Variants in PSTPIP1 observed in about 807,000 individuals in gnomAD.
PSTPIP1 encodes proline-serine-threonine phosphatase-interacting protein 1.
In PSTPIP1, 66 loss-of-function variants were observed where a neutral mutation model predicts 69.6. That is an observed-to-expected ratio of 0.95 (90% CI 0.78 to 1.16). The LOEUF (loss-of-function observed/expected upper bound fraction) is 1.16, where lower values mean the gene tolerates loss of function less well. Ranked by LOEUF, PSTPIP1 falls within the 50% of genes most tolerant of loss-of-function variation. The pLI is 0.00. For missense variants in PSTPIP1, 603 were observed against 557.4 expected (o/e 1.08, Z -0.82); for synonymous variants, 266 against 222.7 (o/e 1.19, Z -1.73).
intron 3 of PSTPIP1, among the ~76,000 whole-genome samples, chr15:77,019,592 A>C (rs2152679816): frequency 6.6e-6 from 1 of 152,302 alleles, no homozygotes; most frequent in South Asian, 2.1e-4. Flanking sequence ...GGCTCTGAGG[A>C]GCCCTTGGAG....
At chr15:77,030,401 G>A (rs772189813) in intron 8 of PSTPIP1, 101 bp from the exon 9 acceptor site, 27 of 1,240,334 alleles carry the variant, frequency 2.2e-5, no homozygotes, top group South Asian at 1.7e-4. Flanking sequence ...TGGGGGAGGC[G>A]GGGCTCCCAG....
At chr15:77,015,287 G>T (rs80227391) in intron 1 of PSTPIP1, among the ~76,000 whole-genome samples, 1 of 152,156 alleles carries the variant, frequency 6.6e-6, no homozygotes, top group Admixed American at 6.5e-5. Context: ...TTGGGGACAG[G>T]TTGACCTGCA....
At chr15:76,996,142 T>C (rs1429129840) in intron 1 of PSTPIP1, among the ~76,000 whole-genome samples, 4 of 152,192 alleles carry the variant, frequency 2.6e-5, no homozygotes, top group Non-Finnish European at 5.9e-5. Context: ...AAATGGTAAT[T>C]CTGTTCCCCT....
chr15:76,995,748 T>C, intron 1 of PSTPIP1, 139 bp downstream of exon 1: 1 of 1,487,466 alleles, frequency 6.7e-7, no homozygotes, highest in Admixed American at 1.9e-5. Flanking sequence ...TTAATTGTCA[T>C]GGAGGTGGCC....
At chr15:77,008,104 A>G (rs1245362827) in intron 1 of PSTPIP1, 1 of 455,006 alleles carries the variant, frequency 2.2e-6, no homozygotes, top group East Asian at 6.9e-5. Flanking sequence ...AGATCAGCAC[A>G]GAAGTCTGGA....
rs1450154953 is a variant in PSTPIP1 at position 77,035,556 on chromosome 15, T to C, written c.978T>C (p.Ala326=). ...GTCCCAAGACCACTTCGTTGGCAGC[T>C]TCTGCTGGTAAAGGGGGTCAGGAGG... is the stretch of plus-strand genomic sequence containing the variant. ...HGSPKTTSLA[A]SAASTETLTP... Residue 326 remains alanine, a synonymous_variant, in exon 13 of 15, where the codon GCT becomes GCC. Transcript: ENST00000558012. The C allele has an allele frequency of 6.3e-7, 1 of 1,583,430 alleles. No homozygotes were observed. Among genetic ancestry groups the C allele is most frequent in the South Asian group, 1.1e-5 (1 of 87,002 alleles).
chr15:76,996,708 T>TG (rs2075588754), intron 1 of PSTPIP1, among the ~76,000 whole-genome samples: 1 of 152,192 alleles, frequency 6.6e-6, no homozygotes, highest in Non-Finnish European at 1.5e-5. Flanking sequence ...GGACCCCACG[T>TG]GGGGAGGGCA....
chr15:77,033,365 A>G (rs1006643287), intron 12 of PSTPIP1, among the ~76,000 whole-genome samples: 7 of 152,130 alleles, frequency 4.6e-5, no homozygotes, highest in Non-Finnish European at 7.4e-5. Flanking sequence ...GCTGCAGTCA[A>G]GTGCCAAGGT....
Position 76,995,149 on chromosome 15 carries a change from G to GCTAC in PSTPIP1, c.-423_-422insACCT, listed in dbSNP as rs2075544982. 9.4e-6 allele frequency: 11 copies of GCTAC among 1,170,604 alleles called. 1 individual carries two copies. The highest frequency in any genetic ancestry group is 1.2e-5 in the Non-Finnish European group (11 of 933,580). 72.5% of individuals were successfully genotyped at this position (1,170,604 alleles called of 1,614,324 possible). A position where few individuals can be genotyped will look rare whatever the true frequency, so the allele number is the denominator to read the frequency against. The stretch of plus-strand genomic sequence containing the variant: ...ACAAACCTTCCTGCGCAGGCCTCGG[G>GCTAC]CTGCCTGCCTGCCTGCCTGCCTGGC... On this transcript the variant is annotated 5_prime_UTR_variant, in exon 1 of 15. Transcript: ENST00000558012.
At chr15:77,030,291 A>C (rs1271056100) in intron 8 of PSTPIP1, among the ~76,000 whole-genome samples, 1 of 152,246 alleles carries the variant, frequency 6.6e-6, no homozygotes, top group African/African-American at 2.4e-5. Flanking sequence ...TCCAGCCCTC[A>C]GGCAGCTCAG....
intron 4 of PSTPIP1, 29 bp from the exon 5 acceptor site, chr15:77,025,469 G>A (rs2152683866): frequency 1.3e-6 from 2 of 1,576,290 alleles, no homozygotes; most frequent in Middle Eastern, 1.7e-4. Context: ...ATCTGACACT[G>A]GGGACCAGTA....
rs1372787271 is a variant in PSTPIP1 at position 77,027,830 on chromosome 15, C to T, written c.355-22C>T. ...CCTCCCGAGGCCGCGGCCCTCGGCT[C>T]AGAACCTCGTGTCCCCTGCAGTATG... On this transcript the variant is annotated intron_variant, in intron 5 of 14. Transcript: ENST00000558012. This position sits in a 1 kb window ranked among gnomAD's most constrained non-coding sequence, Gnocchi z 4.3. The T allele has an allele frequency of 1.9e-5, 30 of 1,557,310 alleles. No homozygotes were observed. Among genetic ancestry groups the T allele is most frequent in the Non-Finnish European group, 2.5e-5 (29 of 1,151,066 alleles).
intron 3 of PSTPIP1, among the ~76,000 whole-genome samples, chr15:77,021,723 T>C (rs2076165515): frequency 6.6e-6 from 1 of 152,156 alleles, no homozygotes; most frequent in African/African-American, 2.4e-5. Context: ...TTACCAACAT[T>C]GCTGACATCA....
intron 3 of PSTPIP1, among the ~76,000 whole-genome samples, chr15:77,022,596 T>TG (rs776911839): frequency 1.9e-4 from 29 of 152,230 alleles, no homozygotes; most frequent in Non-Finnish European, 4.4e-5. Context: ...AATGACTTTA[T>TG]GTGGCCCCCA....
intron 1 of PSTPIP1, among the ~76,000 whole-genome samples, chr15:77,012,988 C>G (rs1351903424): frequency 6.6e-6 from 1 of 152,202 alleles, no homozygotes; most frequent in Non-Finnish European, 1.5e-5. Context: ...GAAAGACCCC[C>G]CTCTGCCTCC....
intron 1 of PSTPIP1, among the ~76,000 whole-genome samples, chr15:77,009,237 A>T (rs1369903879): frequency 6.6e-6 from 1 of 152,164 alleles, no homozygotes; most frequent in Non-Finnish European, 1.5e-5. Flanking sequence ...GAACCTGCTG[A>T]GGATGGCAGA....
At chr15:77,028,531 G>C (rs200475800) in intron 6 of PSTPIP1, 23 bp from the exon 7 acceptor site, 2 of 1,571,564 alleles carry the variant, frequency 1.3e-6, no homozygotes, top group African/African-American at 2.7e-5. Context: ...CAGCCCCCAA[G>C]TCACGCCCCT....
At chr15:77,002,542 G>A (rs1389233740) in intron 1 of PSTPIP1, among the ~76,000 whole-genome samples, 1 of 152,208 alleles carries the variant, frequency 6.6e-6, no homozygotes, top group Non-Finnish European at 1.5e-5. Context: ...TTTTCCACAT[G>A]CTCGGTGCAT....
intron 3 of PSTPIP1, among the ~76,000 whole-genome samples, chr15:77,022,798 A>G (rs1321539270): frequency 2.6e-5 from 4 of 152,226 alleles, no homozygotes; most frequent in African/African-American, 9.6e-5. Flanking sequence ...CAACGGGGAC[A>G]GGGGACCTGG....
Sources: allele counts gnomAD v4.1 joint callset (sites outside exome capture counted in the v4.1 genomes callset), GRCh38; gene constraint gnomAD v4.1.1; non-coding constraint Gnocchi (gnomAD v3.1); transcripts MANE v1.5; gene names NCBI Gene and HGNC (gene_info 2026-07-23, HGNC 2026-07-21).